Variants in BMPER observed in about 807,000 individuals in gnomAD.
BMPER encodes BMP binding endothelial regulator.
Under a neutral mutation model 87.3 loss-of-function variants are expected in BMPER, and 45 were observed. That is an observed-to-expected ratio of 0.52 (90% CI 0.41 to 0.66). The LOEUF (loss-of-function observed/expected upper bound fraction) is 0.66. Among genes scored for constraint, BMPER ranks in the 30% least tolerant of loss-of-function variants. BMPER has a pLI of 0.00. For missense variants in BMPER, 784 were observed against 867.5 expected, an observed-to-expected ratio of 0.90 and a Z score of 1.21; for synonymous variants, 326 against 316.2, an observed-to-expected ratio of 1.03 and a Z score of -0.33.
rs75295552 is a variant in BMPER, at chr7:33,905,589, C to T, written c.-25C>T. ...GAGGCGGCGGCGCGGGACCTGCAGT[C>T]GCCAGGGATTCCCTCCAGGTGACGA... On this transcript the variant is annotated 5_prime_UTR_variant, in exon 1 of 15. Transcript: ENST00000649409. 2 of 1,609,696 alleles carry T rather than the reference C, an allele frequency of 1.2e-6. No individual in the cohort carries two copies. The highest frequency in any genetic ancestry group is 1.1e-5 in the South Asian group (1 of 90,894).
intron 6 of BMPER, among the ~76,000 whole-genome samples, chr7:34,028,779 A>G (rs181911225): frequency 1.3e-5 from 2 of 151,826 alleles, no homozygotes; most frequent in East Asian, 3.9e-4. Context: ...ACTCACCTGA[A>G]GCAGAATAGA....
At chr7:34,074,851 G>A (rs566864993) in intron 11 of BMPER, among the ~76,000 whole-genome samples, 83 of 152,254 alleles carry the variant, frequency 5.5e-4, no homozygotes, top group African/African-American at 1.9e-3. Context: ...CAGAATTATC[G>A]TAACTATGTT....
At chr7:34,085,706 T>C in intron 12 of BMPER, 50 bp from the exon 13 acceptor site, 1 of 1,489,520 alleles carries the variant, frequency 6.7e-7, no homozygotes, top group South Asian at 1.2e-5. Flanking sequence ...TTGGGAATTA[T>C]TAGTGCGTTA....
intron 10 of BMPER, among the ~76,000 whole-genome samples, chr7:34,059,942 A>G (rs1401970747): frequency 6.6e-6 from 1 of 152,038 alleles, no homozygotes; most frequent in East Asian, 1.9e-4. Flanking sequence ...ATTTGTGAGA[A>G]GGGCTATGAG....
At chr7:34,084,697 G>A (rs1562733317) in intron 12 of BMPER, among the ~76,000 whole-genome samples, 1 of 152,266 alleles carries the variant, frequency 6.6e-6, no homozygotes, top group East Asian at 1.9e-4. Context: ...GTGTCAGAGT[G>A]GATATGACAG....
At chr7:33,915,338 A>C (rs572915958) in intron 2 of BMPER, among the ~76,000 whole-genome samples, 20 of 152,248 alleles carry the variant, frequency 1.3e-4, no homozygotes, top group Non-Finnish European at 2.4e-4. Flanking sequence ...TTACTATTGT[A>C]AACTTTTAAG....
intron 6 of BMPER, among the ~76,000 whole-genome samples, chr7:33,976,764 A>G (rs1461866129): frequency 6.6e-6 from 1 of 152,204 alleles, no homozygotes; most frequent in Non-Finnish European, 1.5e-5. Context: ...TGTACCAGTG[A>G]CAGCCAGCCA....
At position 34,015,277 on chromosome 7, in the gene BMPER, C is replaced by T. The variant is rs937841818; in HGVS notation, c.577-31029C>T. Among the ~76,000 whole-genome samples, 18 of 151,944 alleles carry T rather than the reference C, an allele frequency of 1.2e-4. 1 individual carries two copies. Among genetic ancestry groups the T allele is most frequent in the Admixed American group, 1.1e-3 (17 of 15,250 alleles). ...GTTACTTAACTGCCCTGTGCTTTTGCTTCCTCATCTGTAAAATAGAACAAT... is the reference window on the plus strand; with the variant it reads ...GTTACTTAACTGCCCTGTGCTTTTGTTTCCTCATCTGTAAAATAGAACAAT... On this transcript the variant is annotated intron_variant, in intron 6 of 14. Coordinates refer to ENST00000649409, the MANE Select transcript of BMPER (RefSeq NM_001365308.1).
At chr7:33,939,007 G>A (rs1461289941) in intron 3 of BMPER, among the ~76,000 whole-genome samples, 8 of 151,942 alleles carry the variant, frequency 5.3e-5, no homozygotes, top group African/African-American at 1.7e-4. Context: ...CCTGGGTGAC[G>A]GAGAAAGACT....
intron 12 of BMPER, among the ~76,000 whole-genome samples, chr7:34,085,348 A>G (rs1789170360): frequency 6.6e-6 from 1 of 152,228 alleles, no homozygotes; most frequent in Non-Finnish European, 1.5e-5. Flanking sequence ...TAATTGCATT[A>G]AAAAACAATC....
At chr7:34,091,182 C>T (rs1209170719) in intron 13 of BMPER, among the ~76,000 whole-genome samples, 5 of 152,078 alleles carry the variant, frequency 3.3e-5, no homozygotes, top group African/African-American at 9.7e-5. Flanking sequence ...TATGTTCTTA[C>T]AAAGGAAACT....
chr7:34,060,210 G>A (rs552436157), intron 10 of BMPER, among the ~76,000 whole-genome samples: 26 of 152,082 alleles, frequency 1.7e-4, no homozygotes, highest in African/African-American at 5.3e-4. Context: ...TATCATCACT[G>A]CCACTTTCAT....
intron 13 of BMPER, among the ~76,000 whole-genome samples, chr7:34,105,507 A>G (rs535260550): frequency 6.6e-6 from 1 of 152,346 alleles, no homozygotes; most frequent in East Asian, 1.9e-4. Context: ...AGGGCCAGTC[A>G]GGGATATCTG....
chr7:34,107,535 G>A (rs866379396), intron 13 of BMPER, among the ~76,000 whole-genome samples: 4 of 152,134 alleles, frequency 2.6e-5, no homozygotes, highest in African/African-American at 4.8e-5. Context: ...CATTTGGAGC[G>A]TTATGTAATT....
chr7:34,058,181 ATTGACTTTACCTTAGCGTC>A lies in BMPER; in HGVS notation c.1032+23_1032+41del, dbSNP rs1424284172. 2 of 1,606,106 alleles carry A rather than the reference ATTGACTTTACCTTAGCGTC, an allele frequency of 1.2e-6. No individual in the cohort carries two copies. Among genetic ancestry groups the A allele is most frequent in the African/African-American group, 1.3e-5 (1 of 74,732 alleles). On this transcript the variant is annotated intron_variant, in intron 10 of 14. Transcript: ENST00000649409. ...GCCCACAGGTATGTTTGGAACACAGATTGACTTTACCTTAGCGTCTTGAGAAATGTCCTGTGTGTGGCAC... is the reference window on the plus strand; with the variant it reads ...GCCCACAGGTATGTTTGGAACACAGATTGAGAAATGTCCTGTGTGTGGCAC...
intron 3 of BMPER, among the ~76,000 whole-genome samples, chr7:33,949,071 G>T (rs1428994072): frequency 6.6e-6 from 1 of 152,168 alleles, no homozygotes; most frequent in Non-Finnish European, 1.5e-5. Flanking sequence ...GGCTTTTGGA[G>T]GTGACTGACA....
At chr7:34,128,349 C>T (rs1433767835) in intron 13 of BMPER, among the ~76,000 whole-genome samples, 1 of 152,138 alleles carries the variant, frequency 6.6e-6, no homozygotes, top group African/African-American at 2.4e-5. Flanking sequence ...CTTTTTGTAA[C>T]ACCCATTATT....
At chr7:33,906,492 C>T (rs1783820505) in intron 1 of BMPER, among the ~76,000 whole-genome samples, 1 of 151,656 alleles carries the variant, frequency 6.6e-6, no homozygotes, top group Non-Finnish European at 1.5e-5. Flanking sequence ...GCGTATGGGG[C>T]TGTGTGCTTA....
At chr7:33,983,036 A>T (rs553517411) in intron 6 of BMPER, among the ~76,000 whole-genome samples, 3 of 152,238 alleles carry the variant, frequency 2.0e-5, no homozygotes, top group African/African-American at 7.2e-5. Flanking sequence ...TGAAATGTTC[A>T]TGAGCATAGT....
Sources: allele counts gnomAD v4.1 joint callset (sites outside exome capture counted in the v4.1 genomes callset), GRCh38; gene constraint gnomAD v4.1.1; transcripts MANE v1.5; gene names NCBI Gene and HGNC (gene_info 2026-07-23, HGNC 2026-07-21).